NLGN1: variants seen among roughly 807,000 people sequenced by gnomAD.
NLGN1 encodes the protein neuroligin-1.
NLGN1 carries 12 observed loss-of-function variants against 65.5 expected under a neutral mutation model. The observed-to-expected ratio is 0.18, with a 90% CI of 0.12 to 0.30. NLGN1 has a LOEUF of 0.30. Among genes scored for constraint, NLGN1 ranks in the 10% least tolerant of loss-of-function variants. The pLI is 1.00. For missense variants in NLGN1, 750 were observed against 1,007.1 expected, an observed-to-expected ratio of 0.74 and a Z score of 3.46; for synonymous variants, 350 against 359.5, an observed-to-expected ratio of 0.97 and a Z score of 0.30.
chr3:173,506,745 G>C (rs2149080357), intron 2 of NLGN1, among the ~76,000 whole-genome samples: 1 of 151,932 alleles, frequency 6.6e-6, no homozygotes, highest in South Asian at 2.1e-4. Context: ...AAACATTCTG[G>C]GACAATGACT....
intron 4 of NLGN1, among the ~76,000 whole-genome samples, chr3:173,955,874 T>A (rs1446264006): frequency 6.6e-6 from 1 of 152,090 alleles, no homozygotes; most frequent in East Asian, 1.9e-4. Context: ...TTTAAATAGA[T>A]CACTATTGCA....
intron 4 of NLGN1, among the ~76,000 whole-genome samples, chr3:174,104,712 A>G (rs1399864093): frequency 6.6e-6 from 1 of 152,208 alleles, no homozygotes; most frequent in African/African-American, 2.4e-5. Context: ...TTTGAGTTCA[A>G]TCTTGCAGAT....
At chr3:173,561,527 A>G (rs986297453) in intron 2 of NLGN1, among the ~76,000 whole-genome samples, 15 of 152,202 alleles carry the variant, frequency 9.9e-5, no homozygotes, top group Non-Finnish European at 2.1e-4. Context: ...TGAGAAACAT[A>G]AGCAGCACAA....
chr3:174,116,477 A>G (rs1716506585), intron 4 of NLGN1, among the ~76,000 whole-genome samples: 1 of 151,526 alleles, frequency 6.6e-6, no homozygotes, highest in African/African-American at 2.4e-5. Context: ...AGCTGGGATT[A>G]CAAGTATGTG....
intron 4 of NLGN1, among the ~76,000 whole-genome samples, chr3:173,808,857 A>G (rs916819062): frequency 2.0e-5 from 3 of 152,168 alleles, no homozygotes; most frequent in Non-Finnish European, 4.4e-5. Context: ...CCTTGGTAGT[A>G]TCATATCTTT....
intron 4 of NLGN1, among the ~76,000 whole-genome samples, chr3:174,148,715 A>T (rs988695928): frequency 2.6e-5 from 4 of 152,212 alleles, no homozygotes; most frequent in Admixed American, 1.3e-4. Context: ...ATAGTTGGCC[A>T]TTAAGGCTCT....
intron 4 of NLGN1, among the ~76,000 whole-genome samples, chr3:173,965,249 C>G (rs995436905): frequency 1.3e-5 from 2 of 151,978 alleles, no homozygotes; most frequent in Non-Finnish European, 2.9e-5. Context: ...GTTTTCCAAA[C>G]TTGTTTAACC....
At chr3:173,906,878 C>CAAAAAAAAAAAAAAA (rs1224471514) in intron 4 of NLGN1, among the ~76,000 whole-genome samples, 16 of 88,224 alleles carry the variant, frequency 1.8e-4, no homozygotes, top group East Asian at 3.4e-4. Context: ...CAAACAAAAA[C>CAAAAAAAAAAAAAAA]AAAAAAAAAA....
intron 3 of NLGN1, among the ~76,000 whole-genome samples, chr3:173,774,057 T>C (rs1053171907): frequency 1.7e-4 from 26 of 152,208 alleles, no homozygotes; most frequent in African/African-American, 6.0e-4. Flanking sequence ...GGAAGGCCGA[T>C]GCATTCAAAT....
At chr3:173,576,718 A>G (rs1030397972) in intron 2 of NLGN1, among the ~76,000 whole-genome samples, 12 of 152,142 alleles carry the variant, frequency 7.9e-5, no homozygotes, top group African/African-American at 2.9e-4. Flanking sequence ...TCCTCAATTT[A>G]ATCACATTTG....
intron 4 of NLGN1, among the ~76,000 whole-genome samples, chr3:173,894,229 T>TAGTC (rs1395531274): frequency 2.0e-5 from 3 of 152,186 alleles, no homozygotes; most frequent in South Asian, 2.1e-4. Context: ...ATAGTTAGTG[T>TAGTC]AGTCCTACTA....
intron 4 of NLGN1, among the ~76,000 whole-genome samples, chr3:174,212,347 G>A (rs556820298): frequency 7.2e-5 from 11 of 152,308 alleles, no homozygotes; most frequent in African/African-American, 2.4e-4. Context: ...TCCCGCCCGC[G>A]CCTCTCCCTC....
intron 2 of NLGN1, among the ~76,000 whole-genome samples, chr3:173,572,925 GC>G (rs1337412991): frequency 6.6e-6 from 1 of 152,108 alleles, no homozygotes; most frequent in African/African-American, 2.4e-5. Flanking sequence ...AACTTCTCCT[GC>G]CCTGTGTGAG....
chr3:173,511,312 T>TCC (rs1732932674), intron 2 of NLGN1, among the ~76,000 whole-genome samples: 1 of 152,084 alleles, frequency 6.6e-6, no homozygotes, highest in South Asian at 2.1e-4. Context: ...ATGTCCCCAG[T>TCC]CCCCACACAC....
chr3:174,020,861 C>T (rs1302578216), intron 4 of NLGN1, among the ~76,000 whole-genome samples: 1 of 151,946 alleles, frequency 6.6e-6, no homozygotes, highest in African/African-American at 2.4e-5. Context: ...GTCTGGAATC[C>T]AAAGTAATTT....
intron 4 of NLGN1, among the ~76,000 whole-genome samples, chr3:174,141,916 A>G (rs1280361496): frequency 6.6e-6 from 1 of 152,212 alleles, no homozygotes; most frequent in Non-Finnish European, 1.5e-5. Context: ...TACTACATTT[A>G]TATTATTTAT....
chr3:173,401,977 G>A (rs938049416), intron 1 of NLGN1, among the ~76,000 whole-genome samples: 1 of 152,048 alleles, frequency 6.6e-6, no homozygotes, highest in Admixed American at 6.6e-5. Flanking sequence ...CTCTGCAGAC[G>A]ACATCCCTTC....
chr3:173,725,339 T>C (rs1362018104), intron 3 of NLGN1, among the ~76,000 whole-genome samples: 1 of 152,178 alleles, frequency 6.6e-6, no homozygotes, highest in Non-Finnish European at 1.5e-5. Flanking sequence ...AGCCAAAAGT[T>C]ACTACATGTT....
chr3:173,535,094 A>G (rs960010022), intron 2 of NLGN1, among the ~76,000 whole-genome samples: 4 of 152,206 alleles, frequency 2.6e-5, no homozygotes, highest in Admixed American at 1.3e-4. Context: ...ATGAAAACGG[A>G]TAGATTAAAA....
Sources: gnomAD v4.1 joint callset for allele counts (sites outside exome capture counted in the v4.1 genomes callset) on GRCh38, gnomAD v4.1.1 for gene constraint, MANE v1.5 for transcripts, NCBI Gene and HGNC (gene_info 2026-07-23, HGNC 2026-07-21) for gene names.